CDKAL1: variants seen among roughly 807,000 people sequenced by gnomAD.
CDKAL1 encodes the protein CDKAL1 threonylcarbamoyladenosine tRNA methylthiotransferase, also known as threonylcarbamoyladenosine tRNA methylthiotransferase.
CDKAL1 carries 32 observed loss-of-function variants against 68.2 expected under a neutral mutation model. The observed-to-expected ratio is 0.47, with a 90% CI of 0.35 to 0.63. The LOEUF is 0.63. CDKAL1 is among the 30% of genes least tolerant of loss of function. The pLI, the probability that CDKAL1 is intolerant of heterozygous loss-of-function variation, is 0.00. For missense variants in CDKAL1, 606 were observed against 696.7 expected, an observed-to-expected ratio of 0.87 and a Z score of 1.47; for synonymous variants, 234 against 244.3, an observed-to-expected ratio of 0.96 and a Z score of 0.39.
intron 10 of CDKAL1, among the ~76,000 whole-genome samples, chr6:20,985,736 G>A (rs1766417061): frequency 6.6e-6 from 1 of 151,914 alleles, no homozygotes; most frequent in African/African-American, 2.4e-5. Context: ...CTAGGAGGTG[G>A]ACTCTGCAGT....
At chr6:20,752,714 A>G (rs1773980171) in intron 6 of CDKAL1, among the ~76,000 whole-genome samples, 2 of 152,296 alleles carry the variant, frequency 1.3e-5, no homozygotes, top group Middle Eastern at 3.4e-3. Flanking sequence ...CTTTACTTCT[A>G]AATACCCATA....
intron 2 of CDKAL1, among the ~76,000 whole-genome samples, chr6:20,542,448 A>T (rs906514053): frequency 2.0e-5 from 3 of 152,172 alleles, no homozygotes; most frequent in African/African-American, 4.8e-5. Context: ...TAAAGCGAGG[A>T]TAGTAATACT....
chr6:20,555,917 C>T lies in CDKAL1; in HGVS notation c.286+7212C>T, dbSNP rs983112196. Among the ~76,000 whole-genome samples the T allele has an allele frequency of 6.6e-5, 10 of 151,812 alleles. No homozygotes were observed. In the East Asian group the frequency reaches 1.2e-3, roughly 18 times the overall value. The stretch of plus-strand genomic sequence containing the variant: ...GATTACAGGCATGAGCCACTGCGCC[C>T]GGCCCCAGCCAGAGTTTTAAAATAT... On this transcript the variant is annotated intron_variant, in intron 4 of 15. Coordinates refer to ENST00000274695, the MANE Select transcript of CDKAL1 (RefSeq NM_017774.3).
chr6:21,054,453 T>C (rs925547371), intron 11 of CDKAL1, among the ~76,000 whole-genome samples: 3 of 152,184 alleles, frequency 2.0e-5, no homozygotes, highest in East Asian at 3.8e-4. Flanking sequence ...TATTTCCGCA[T>C]ACATTTTAAG....
intron 4 of CDKAL1, among the ~76,000 whole-genome samples, chr6:20,606,677 T>C (rs1222726143): frequency 6.6e-6 from 1 of 152,208 alleles, no homozygotes; most frequent in East Asian, 1.9e-4. Context: ...GTTAGAAAAT[T>C]TATCAGGCTG....
chr6:21,030,882 C>G (rs1222635034), intron 11 of CDKAL1, among the ~76,000 whole-genome samples: 1 of 152,160 alleles, frequency 6.6e-6, no homozygotes, highest in Non-Finnish European at 1.5e-5. Context: ...GGCCCATTCT[C>G]TCTTCATTGA....
intron 10 of CDKAL1, among the ~76,000 whole-genome samples, chr6:20,976,077 G>A (rs1019421734): frequency 6.6e-6 from 1 of 151,838 alleles, no homozygotes; most frequent in Non-Finnish European, 1.5e-5. Flanking sequence ...TCTTTTTACT[G>A]TCTCCATAGT....
At chr6:20,674,816 G>A (rs990630624) in intron 5 of CDKAL1, among the ~76,000 whole-genome samples, 2 of 152,126 alleles carry the variant, frequency 1.3e-5, no homozygotes, top group Non-Finnish European at 2.9e-5. Flanking sequence ...AGAAGATGCA[G>A]CATTTGTCTT....
intron 10 of CDKAL1, among the ~76,000 whole-genome samples, chr6:20,970,775 A>G (rs1392456609): frequency 6.6e-6 from 1 of 152,204 alleles, no homozygotes; most frequent in Non-Finnish European, 1.5e-5. Context: ...TTTGGATACC[A>G]CACAAGAAAT....
At chr6:20,721,945 C>G (rs543213882) in intron 5 of CDKAL1, among the ~76,000 whole-genome samples, 5 of 151,984 alleles carry the variant, frequency 3.3e-5, no homozygotes, top group Non-Finnish European at 7.4e-5. Context: ...TTTGGCCAGA[C>G]TGGTCTCAAA....
intron 13 of CDKAL1, among the ~76,000 whole-genome samples, chr6:21,132,678 CT>C (rs1464170084): frequency 1.3e-5 from 2 of 152,038 alleles, no homozygotes; most frequent in East Asian, 1.9e-4. Context: ...CTTCATTATC[CT>C]TTTTTTATTT....
At chr6:20,936,526 A>AG (rs1763722521) in intron 9 of CDKAL1, among the ~76,000 whole-genome samples, 1 of 151,484 alleles carries the variant, frequency 6.6e-6, no homozygotes, top group Admixed American at 6.6e-5. Context: ...CTGGGATTAC[A>AG]GGCGTGAGCC....
At chr6:20,888,820 G>A (rs146726947) in intron 9 of CDKAL1, among the ~76,000 whole-genome samples, 2 of 152,160 alleles carry the variant, frequency 1.3e-5, no homozygotes, top group African/African-American at 2.4e-5. Flanking sequence ...GAATAGTGCC[G>A]CAGTAAACAT....
chr6:20,597,893 C>G (rs149347140), intron 4 of CDKAL1, among the ~76,000 whole-genome samples: 244 of 152,240 alleles, frequency 1.6e-3, no homozygotes, highest in African/African-American at 5.3e-3. Flanking sequence ...GCTTTAGACA[C>G]GATTGAAATA....
At chr6:21,007,627 T>C (rs1339670000) in intron 11 of CDKAL1, among the ~76,000 whole-genome samples, 8 of 152,128 alleles carry the variant, frequency 5.3e-5, no homozygotes, top group Non-Finnish European at 1.2e-4. Context: ...CGGTTATGTG[T>C]CCAGACTAGT....
chr6:21,168,257 A>C (rs1388144161), intron 13 of CDKAL1, among the ~76,000 whole-genome samples: 1 of 152,192 alleles, frequency 6.6e-6, no homozygotes, highest in Non-Finnish European at 1.5e-5. Context: ...CCTCCTCCTG[A>C]GAACCAGATC....
chr6:21,162,502 T>G (rs1776968149), intron 13 of CDKAL1, among the ~76,000 whole-genome samples: 1 of 152,182 alleles, frequency 6.6e-6, no homozygotes, highest in Non-Finnish European at 1.5e-5. Context: ...GAGATTTGAG[T>G]TAGCAGAATT....
chr6:20,629,481 A>T (rs754626660), intron 4 of CDKAL1, among the ~76,000 whole-genome samples: 1 of 152,078 alleles, frequency 6.6e-6, no homozygotes, highest in Non-Finnish European at 1.5e-5. Flanking sequence ...CTTCCTCTTC[A>T]AACTTTCACC....
chr6:21,084,962 A>T (rs969299076), intron 12 of CDKAL1, among the ~76,000 whole-genome samples: 3 of 152,252 alleles, frequency 2.0e-5, no homozygotes, highest in Non-Finnish European at 4.4e-5. Flanking sequence ...AATACTATTA[A>T]AATGAAAATC....
Sources: gnomAD v4.1 joint callset for allele counts (sites outside exome capture counted in the v4.1 genomes callset) on GRCh38, gnomAD v4.1.1 for gene constraint, MANE v1.5 for transcripts, NCBI Gene and HGNC (gene_info 2026-07-23, HGNC 2026-07-21) for gene names.